The following RAB18 variants were observed in gnomAD, a reference collection of about 807,000 sequenced individuals.
The protein encoded by RAB18 is RAB18, member RAS oncogene family, also known as ras-related protein Rab-18.
RAB18 carries 10 observed loss-of-function variants against 28.5 expected under a neutral mutation model. That is an observed-to-expected ratio of 0.35 (90% CI 0.22 to 0.60). The LOEUF (loss-of-function observed/expected upper bound fraction) is 0.60, where lower values mean the gene tolerates loss of function less well. RAB18 is among the 20% of genes least tolerant of loss of function. The pLI, the probability that RAB18 is intolerant of heterozygous loss-of-function variation, is 0.78. For missense variants in RAB18, 188 were observed against 244.2 expected (o/e 0.77, Z 1.53); for synonymous variants, 93 against 86.9 (o/e 1.07, Z -0.39).
At chr10:27,523,179 T>C (rs1460054901) in intron 2 of RAB18, among the ~76,000 whole-genome samples, 1 of 151,732 alleles carries the variant, frequency 6.6e-6, no homozygotes, top group Non-Finnish European at 1.5e-5. Flanking sequence ...CATACAAATT[T>C]TGATGTTGTT....
At chr10:27,534,265 A>T (rs1008877295) in intron 6 of RAB18, among the ~76,000 whole-genome samples, 4 of 152,242 alleles carry the variant, frequency 2.6e-5, no homozygotes, top group African/African-American at 7.2e-5. Context: ...ACCCAGTGCT[A>T]AAGTTATGCC....
intron 1 of RAB18, among the ~76,000 whole-genome samples, chr10:27,507,204 G>A (rs1290357890): frequency 6.6e-6 from 1 of 152,000 alleles, no homozygotes; most frequent in African/African-American, 2.4e-5. Context: ...CACTTGTGCT[G>A]TTGGGGAAAA....
chr10:27,525,313 AG>A (rs2132395740), intron 2 of RAB18, among the ~76,000 whole-genome samples: 1 of 152,244 alleles, frequency 6.6e-6, no homozygotes, highest in South Asian at 2.1e-4. Context: ...TTAACTGTAG[AG>A]TGTGCATGAC....
rs1835013219 is a variant in RAB18, at chr10:27,540,968, T to G, written c.*2917T>G. 2.2e-6 allele frequency: 1 copy of G among 453,928 alleles called. No homozygotes were observed. The highest frequency in any genetic ancestry group is 2.0e-5 in the African/African-American group (1 of 50,006). The allele number at this position is 453,928 out of a possible 1,614,324, so 28.1% of individuals were successfully genotyped here. A position where few individuals can be genotyped will look rare whatever the true frequency, so the allele number is the denominator to read the frequency against. On this transcript the variant is annotated 3_prime_UTR_variant, in exon 7 of 7. Coordinates refer to ENST00000356940, the MANE Select transcript of RAB18 (RefSeq NM_021252.5). ...TTGGCACAGACTTACCTAATAACCA[T>G]AGTGTCTTTAAGTACAACTTAATAC...
At chr10:27,527,203 T>C in intron 3 of RAB18, 1 of 408,718 alleles carries the variant, frequency 2.4e-6, no homozygotes, top group Non-Finnish European at 4.7e-6. Context: ...AAAAAGACCA[T>C]CTAGACTGAA....
intron 2 of RAB18, among the ~76,000 whole-genome samples, chr10:27,520,425 G>C (rs1411138370): frequency 6.7e-6 from 1 of 148,756 alleles, no homozygotes; most frequent in Non-Finnish European, 1.5e-5. Flanking sequence ...CTATTTTGTT[G>C]ATCTTTAAGA....
chr10:27,504,856 T>C, intron 1 of RAB18: 2 of 464,680 alleles, frequency 4.3e-6, no homozygotes, highest in South Asian at 3.3e-5. Flanking sequence ...CTTTCCCACT[T>C]GAGGGTTTCT....
chr10:27,529,599 A>T (rs1834747902), intron 3 of RAB18, among the ~76,000 whole-genome samples: 2 of 151,892 alleles, frequency 1.3e-5, no homozygotes. Flanking sequence ...GATCTTTCCT[A>T]GCCCTGAGTT....
rs1834809872 is a variant in RAB18 at position 27,532,594 on chromosome 10, T to A, written c.259+15T>A. ...TGTTATATTAGGTAAGTGTTTACTT[T>A]AATGTACTATTTAAAAATATTTATT... On this transcript the variant is annotated intron_variant, in intron 4 of 6. Coordinates refer to ENST00000356940, the MANE Select transcript of RAB18 (RefSeq NM_021252.5). 1.3e-6 allele frequency: 2 copies of A among 1,540,136 alleles called. No homozygotes were observed. The highest frequency in any genetic ancestry group is 1.8e-6 in the Non-Finnish European group (2 of 1,115,204).
At chr10:27,525,964 A>G (rs1018605711) in intron 2 of RAB18, among the ~76,000 whole-genome samples, 14 of 152,340 alleles carry the variant, frequency 9.2e-5, no homozygotes, top group Non-Finnish European at 2.1e-4. Context: ...TCTTGAGCTA[A>G]TGTTTTCCCT....
rs141427540 is a variant in RAB18 at position 27,537,776 on chromosome 10, A to G, written c.446-100A>G. 14 of 1,021,686 alleles carry G rather than the reference A, an allele frequency of 1.4e-5. No individual in the cohort carries two copies. The African/African-American group carries it at 1.8e-4, about 13-fold the overall frequency. 63.3% of individuals were successfully genotyped at this position (1,021,686 alleles called of 1,614,324 possible). A position where few individuals can be genotyped will look rare whatever the true frequency, so the allele number is the denominator to read the frequency against. ...AAATTGCTGATTTGGATCTTAATAT[A>G]TTGTAGGCTGATATTTATGCCCTGA... On this transcript the variant is annotated intron_variant, in intron 6 of 6. Coordinates refer to ENST00000356940, the MANE Select transcript of RAB18 (RefSeq NM_021252.5).
At chr10:27,535,952 G>A (rs1036776954) in intron 6 of RAB18, among the ~76,000 whole-genome samples, 12 of 151,998 alleles carry the variant, frequency 7.9e-5, no homozygotes, top group Non-Finnish European at 1.6e-4. Flanking sequence ...GCGTGGTGGC[G>A]GGTGCCTGTA....
At chr10:27,519,411 G>A (rs1414152609) in intron 2 of RAB18, among the ~76,000 whole-genome samples, 2 of 151,988 alleles carry the variant, frequency 1.3e-5, no homozygotes, top group African/African-American at 4.8e-5. Context: ...CACTTCGGTT[G>A]TACTAGAAAT....
Position 27,540,156 on chromosome 10 carries a change from C to T in RAB18, c.*2105C>T, listed in dbSNP as rs1315327570. 2.2e-6 allele frequency: 1 copy of T among 453,882 alleles called. No homozygotes were observed. Among genetic ancestry groups the T allele is most frequent in the African/African-American group, 2.0e-5 (1 of 49,976 alleles). 28.1% of individuals were successfully genotyped at this position (453,882 alleles called of 1,614,324 possible). ...AAACAAATAAAAAACTATTCAATTT[C>T]TGAGTAATAGTTAATATTTATTGAA... On this transcript the variant is annotated 3_prime_UTR_variant, in exon 7 of 7. Coordinates refer to ENST00000356940, the MANE Select transcript of RAB18 (RefSeq NM_021252.5).
intron 1 of RAB18, among the ~76,000 whole-genome samples, chr10:27,506,432 C>T (rs1837839347): frequency 6.6e-6 from 1 of 152,072 alleles, no homozygotes; most frequent in East Asian, 1.9e-4. Context: ...AGTGATCCTC[C>T]CACCTCAGCC....
rs763355855 is a variant in RAB18, at chr10:27,539,086, T to C, written c.*1035T>C. ...GGAAAATACTGTCACAATGAAAATC[T>C]TGACAATTTACTTAACAAGTAACCA... is the stretch of plus-strand genomic sequence containing the variant. On this transcript the variant is annotated 3_prime_UTR_variant, in exon 7 of 7. Transcript: ENST00000356940. 7.1e-6 allele frequency: 3 copies of C among 424,324 alleles called. No individual in the cohort carries two copies. Among genetic ancestry groups the C allele is most frequent in the South Asian group, 5.0e-5 (3 of 59,564 alleles). 26.3% of individuals were successfully genotyped at this position (424,324 alleles called of 1,614,324 possible).
intron 2 of RAB18, among the ~76,000 whole-genome samples, chr10:27,516,305 C>T (rs1834436241): frequency 6.6e-6 from 1 of 152,132 alleles, no homozygotes; most frequent in African/African-American, 2.4e-5. Flanking sequence ...CCTGTAGTCT[C>T]AGCACTTTGG....
Position 27,533,821 on chromosome 10 carries a change from G to A in RAB18, c.346G>A (p.Val116Ile). The change falls in exon 5 of 7, where the codon GTA becomes ATA. Residue 116 changes from valine to isoleucine, a missense_variant. Coordinates refer to ENST00000356940, the MANE Select transcript of RAB18 (RefSeq NM_021252.5). The stretch of plus-strand genomic sequence containing the variant: ...AACATACTGTACAAGAAATGACATA[G>A]TAAACATGCTAGTTGGAAATAAAAT... Reference protein sequence around the residue: ...LETYCTRNDIVNMLVGNKIDK... With the variant: ...LETYCTRNDIINMLVGNKIDK... The A allele has an allele frequency of 6.2e-7, 1 of 1,613,686 alleles. No individual in the cohort carries two copies. Among genetic ancestry groups the A allele is most frequent in the Non-Finnish European group, 8.5e-7 (1 of 1,179,700 alleles).
In RAB18 at chr10:27,541,624, G is replaced by C; in HGVS notation, c.*3573G>C. Reference sequence around the variant, plus strand: ...GTCCCCTTTACCGTTTCTCATGCAGGTTATTTCTTGCTTTTTTTTTTTTTC... The same window carrying C: ...GTCCCCTTTACCGTTTCTCATGCAGCTTATTTCTTGCTTTTTTTTTTTTTC... On this transcript the variant is annotated 3_prime_UTR_variant, in exon 7 of 7. Coordinates refer to ENST00000356940, the MANE Select transcript of RAB18 (RefSeq NM_021252.5). The C allele has an allele frequency of 2.2e-6, 1 of 447,014 alleles. No individual in the cohort carries two copies. The highest frequency in any genetic ancestry group is 4.4e-6 in the Non-Finnish European group (1 of 224,896). 27.7% of individuals were successfully genotyped at this position (447,014 alleles called of 1,614,324 possible).
Sources: allele counts gnomAD v4.1 joint callset (sites outside exome capture counted in the v4.1 genomes callset), GRCh38; gene constraint gnomAD v4.1.1; transcripts MANE v1.5; gene names NCBI Gene and HGNC (gene_info 2026-07-23, HGNC 2026-07-21).